MPP7: variants seen among roughly 807,000 people sequenced by gnomAD.
MPP7 encodes the protein MAGUK p55 scaffold protein 7.
MPP7 carries 60 observed loss-of-function variants against 76.5 expected under a neutral mutation model. The ratio of observed to expected loss-of-function variants is 0.78; its 90% confidence interval spans 0.64 to 0.97. The LOEUF is 0.97. Among genes scored for constraint, MPP7 ranks in the 50% least tolerant of loss-of-function variants. MPP7 has a pLI of 0.00. For synonymous variants in MPP7, 237 were observed against 244.5 expected, an observed-to-expected ratio of 0.97 and a Z score of 0.29; for missense variants, 641 against 694.0, an observed-to-expected ratio of 0.92 and a Z score of 0.86.
At chr10:28,214,454 G>A (rs1462729228) in intron 2 of MPP7, among the ~76,000 whole-genome samples, 3 of 152,092 alleles carry the variant, frequency 2.0e-5, no homozygotes, top group South Asian at 4.1e-4. Context: ...TTCAAGAGGC[G>A]TGTTTCGGAA....
chr10:28,269,210 T>C (rs1389117729), intron 1 of MPP7, among the ~76,000 whole-genome samples: 1 of 152,214 alleles, frequency 6.6e-6, no homozygotes, highest in Non-Finnish European at 1.5e-5. Context: ...CATGCCCTGC[T>C]ATCCTAACCC....
chr10:28,234,424 G>A (rs530477509), intron 2 of MPP7, among the ~76,000 whole-genome samples: 81 of 152,128 alleles, frequency 5.3e-4, no homozygotes, highest in Non-Finnish European at 8.4e-4. Context: ...TACCCTAAAG[G>A]AGGAGAAACG....
At chr10:28,264,429 G>T (rs1355342472) in intron 1 of MPP7, among the ~76,000 whole-genome samples, 3 of 152,116 alleles carry the variant, frequency 2.0e-5, no homozygotes, top group Non-Finnish European at 1.5e-5. Context: ...TGAGACCACA[G>T]ATCCTCAGGA....
chr10:28,293,486 G>A (rs184365281), intron 1 of MPP7, among the ~76,000 whole-genome samples: 243 of 152,348 alleles, frequency 1.6e-3, no homozygotes, highest in Middle Eastern at 3.4e-3. Context: ...CAATCTGGTC[G>A]TACTTAAGGG....
chr10:28,089,897 C>T (rs1230615234), intron 11 of MPP7, 56 bp from the exon 12 acceptor site: 5 of 659,680 alleles, frequency 7.6e-6, no homozygotes, highest in Non-Finnish European at 1.1e-5. Flanking sequence ...AAGAAACCCT[C>T]AAAAAAAAAA....
At chr10:28,057,188 A>C (rs1851588335) in intron 15 of MPP7, among the ~76,000 whole-genome samples, 1 of 152,178 alleles carries the variant, frequency 6.6e-6, no homozygotes. Context: ...CAGCAACTGG[A>C]CCTGGGACAC....
intron 1 of MPP7, among the ~76,000 whole-genome samples, chr10:28,289,896 G>A (rs1840873901): frequency 6.6e-6 from 1 of 152,188 alleles, no homozygotes; most frequent in Admixed American, 6.5e-5. Flanking sequence ...TCGGCTCACT[G>A]CAACCTCCGC....
chr10:28,179,643 A>G (rs561968953), intron 3 of MPP7, among the ~76,000 whole-genome samples: 2 of 152,324 alleles, frequency 1.3e-5, no homozygotes, highest in African/African-American at 4.8e-5. Context: ...CATCAGTGAC[A>G]GAACTAAATT....
chr10:28,298,546 G>A (rs139186029), intron 1 of MPP7, among the ~76,000 whole-genome samples: 258 of 152,228 alleles, frequency 1.7e-3, no homozygotes, highest in Non-Finnish European at 3.2e-3. Flanking sequence ...AGGCTTTGTC[G>A]CTCCATTTAT....
upstream of MPP7, among the ~76,000 whole-genome samples, chr10:28,306,776 G>A (rs1447402699): frequency 6.6e-6 from 1 of 152,118 alleles, no homozygotes; most frequent in Non-Finnish European, 1.5e-5. Flanking sequence ...TTAGATAGAT[G>A]TATAATAGAA....
At chr10:28,295,380 A>C (rs1841015070) in intron 1 of MPP7, among the ~76,000 whole-genome samples, 1 of 152,196 alleles carries the variant, frequency 6.6e-6, no homozygotes, top group South Asian at 2.1e-4. Flanking sequence ...GCGTTAGAGC[A>C]CAGAGGTCTG....
At chr10:28,092,674 G>A (rs1428812685) in intron 11 of MPP7, among the ~76,000 whole-genome samples, 2 of 144,234 alleles carry the variant, frequency 1.4e-5, no homozygotes, top group Non-Finnish European at 3.0e-5. Context: ...CCAGGCTCAA[G>A]CCATCTTCCC....
chr10:28,304,581 C>G (rs924395346), upstream of MPP7, among the ~76,000 whole-genome samples: 65 of 152,088 alleles, frequency 4.3e-4, no homozygotes, highest in African/African-American at 1.5e-3. Context: ...TTTACCAAAC[C>G]TTTCTAATAA....
chr10:28,262,347 C>T lies in MPP7; in HGVS notation c.-131-23612G>A, dbSNP rs150780455. Among the ~76,000 whole-genome samples, 1,050 of 146,104 alleles carry T rather than the reference C, an allele frequency of 7.2e-3. 10 individuals carry two copies. Among genetic ancestry groups the T allele is most frequent in the African/African-American group, 0.025 (987 of 39,544 alleles). On this transcript the variant is annotated intron_variant, in intron 1 of 16. Transcript: ENST00000683449. ...TCCTGACCTTGTGATCCACCGGCCT[C>T]GGCCTCCCAAAGTGCTGGGATTACA...
intron 1 of MPP7, among the ~76,000 whole-genome samples, chr10:28,276,772 T>C (rs1435704710): frequency 6.6e-6 from 1 of 152,106 alleles, no homozygotes; most frequent in African/African-American, 2.4e-5. Flanking sequence ...CTGAATATTT[T>C]GAGAACAGCA....
chr10:28,129,781 C>A (rs1052602007), intron 6 of MPP7, among the ~76,000 whole-genome samples: 3 of 152,022 alleles, frequency 2.0e-5, no homozygotes, highest in East Asian at 3.9e-4. Context: ...ACCAAAAAAA[C>A]CCTCCTGATA....
intron 4 of MPP7, among the ~76,000 whole-genome samples, chr10:28,148,943 C>T (rs545029125): frequency 6.6e-6 from 1 of 152,204 alleles, no homozygotes; most frequent in African/African-American, 2.4e-5. Context: ...TATTTGCCTT[C>T]ATTTAAAAAA....
At chr10:28,241,726 C>G (rs1839275917) in intron 1 of MPP7, among the ~76,000 whole-genome samples, 1 of 152,114 alleles carries the variant, frequency 6.6e-6, no homozygotes, top group South Asian at 2.1e-4. Flanking sequence ...GACCCGAAAG[C>G]CAGGAACATA....
intron 2 of MPP7, among the ~76,000 whole-genome samples, chr10:28,315,836 C>G (rs1834315150): frequency 6.6e-6 from 1 of 152,144 alleles, no homozygotes; most frequent in East Asian, 1.9e-4. Context: ...CTGACCAGCA[C>G]TATCTCAACC....
Sources: gnomAD v4.1 joint callset for allele counts (sites outside exome capture counted in the v4.1 genomes callset) on GRCh38, gnomAD v4.1.1 for gene constraint, MANE v1.5 for transcripts, NCBI Gene and HGNC (gene_info 2026-07-23, HGNC 2026-07-21) for gene names.